The following TMEM132E variants were observed in gnomAD, a reference collection of about 807,000 sequenced individuals.
TMEM132E encodes transmembrane protein 132E.
In TMEM132E, 49 loss-of-function variants were observed where a neutral mutation model predicts 78.5. That is an observed-to-expected ratio of 0.62 (90% CI 0.50 to 0.79). The LOEUF (loss-of-function observed/expected upper bound fraction) is 0.79, where lower values mean the gene tolerates loss of function less well. Among genes scored for constraint, TMEM132E ranks in the 30% least tolerant of loss-of-function variants. TMEM132E has a pLI of 0.00. For synonymous variants in TMEM132E, 715 were observed against 670.6 expected, an observed-to-expected ratio of 1.07 and a Z score of -1.02; for missense variants, 1,403 against 1,470.9, an observed-to-expected ratio of 0.95 and a Z score of 0.75.
intron 1 of TMEM132E, among the ~76,000 whole-genome samples, chr17:34,619,274 GTCA>G (rs1906879281): frequency 6.6e-6 from 1 of 151,800 alleles, no homozygotes; most frequent in Non-Finnish European, 1.5e-5. Context: ...CGGGGTACTT[GTCA>G]TCATTAACTA....
chr17:34,626,071 G>T, intron 1 of TMEM132E, 56 bp from the exon 2 acceptor site: 4 of 1,412,634 alleles, frequency 2.8e-6, no homozygotes, highest in East Asian at 5.1e-5. Flanking sequence ...GCACCCTGGG[G>T]TCCCAGCGTG....
At chr17:34,586,302 T>TG (rs397977227) in intron 1 of TMEM132E, among the ~76,000 whole-genome samples, 21 of 151,342 alleles carry the variant, frequency 1.4e-4, no homozygotes, top group African/African-American at 4.4e-4. Flanking sequence ...TGTGTGTGTG[T>TG]TTTTAGGAAC....
chr17:34,614,915 C>CAGAGGGGAAGGGAGAGAG (rs1906726918), intron 1 of TMEM132E: 2 of 152,272 alleles, frequency 1.3e-5, no homozygotes, highest in Admixed American at 1.3e-4. Flanking sequence ...CCCATGGGAG[C>CAGAGGGGAAGGGAGAGAG]AGAGTCTAGA....
In TMEM132E at chr17:34,628,668, C is replaced by T. The variant is rs771980931; in HGVS notation, c.1104C>T (p.Thr368=). The change falls in exon 3 of 9, where the codon ACC becomes ACT. Residue 368 remains threonine (T), a synonymous_variant. Coordinates refer to ENST00000631683, the MANE Select transcript of TMEM132E (RefSeq NM_001304438.2). ...CTGGGGCAAAGCACTCAACAGCCACCGTGGATGTGGCCTGGGCTCAGAGCA... is the reference window on the plus strand; with the variant it reads ...CTGGGGCAAAGCACTCAACAGCCACTGTGGATGTGGCCTGGGCTCAGAGCA... ...LLTGAKHSTA[T]VDVAWAQSTP... is the part of the protein sequence containing the mutation. 2.0e-5 allele frequency: 32 copies of T among 1,612,658 alleles called. 1 individual carries two copies. The South Asian group carries it at 2.5e-4, about 13-fold the overall frequency.
chr17:34,616,548 G>A (rs1597685951), intron 1 of TMEM132E, among the ~76,000 whole-genome samples: 2 of 152,332 alleles, frequency 1.3e-5, no homozygotes, highest in East Asian at 1.9e-4. Flanking sequence ...TCACCCAGAG[G>A]CACTCAGTGT....
rs1907241699 is a variant in TMEM132E at position 34,628,701 on chromosome 17, G to A, written c.1137G>A (p.Leu379=). The A allele has an allele frequency of 1.9e-6, 3 of 1,598,042 alleles. No individual in the cohort carries two copies. Among genetic ancestry groups the A allele is most frequent in the South Asian group, 1.1e-5 (1 of 89,464 alleles). ...VDVAWAQSTP[L]PPREGQGPLE... ...TGGCCTGGGCTCAGAGCACACCCCT[G>A]CCCCCCAGGTGAGCCCGAGGTGGTG... Residue 379 remains leucine (L), a synonymous_variant, in exon 3 of 9, where the codon CTG becomes CTA. Coordinates refer to ENST00000631683, the MANE Select transcript of TMEM132E (RefSeq NM_001304438.2).
chr17:34,606,434 A>G (rs1266822462), intron 1 of TMEM132E, among the ~76,000 whole-genome samples: 1 of 152,246 alleles, frequency 6.6e-6, no homozygotes, highest in East Asian at 1.9e-4. Flanking sequence ...TCAGAACTGG[A>G]AAGGGCCTGA....
intron 1 of TMEM132E, among the ~76,000 whole-genome samples, chr17:34,615,407 GC>G (rs1363452186): frequency 6.6e-6 from 1 of 152,170 alleles, no homozygotes; most frequent in African/African-American, 2.4e-5. Flanking sequence ...ACACTGAGCA[GC>G]AGGCTTGGTC....
chr17:34,582,219 C>A (rs1370317129), intron 1 of TMEM132E, among the ~76,000 whole-genome samples: 1 of 151,788 alleles, frequency 6.6e-6, no homozygotes, highest in African/African-American at 2.4e-5. Flanking sequence ...ATGGAGGGCG[C>A]TTAGATGGAG....
At position 34,638,246 on chromosome 17, in the gene TMEM132E, A is replaced by G. The variant is rs1380196373; in HGVS notation, c.*14A>G. ...GAGATTGCATAGAGGCGCCAGCCGG[A>G]GTAGCAGGGACCCCCCCCCCCAACG... is the stretch of plus-strand genomic sequence containing the variant. On this transcript the variant is annotated 3_prime_UTR_variant, in exon 9 of 9. Transcript: ENST00000631683. 1 of 1,500,242 alleles carries G rather than the reference A, an allele frequency of 6.7e-7. No individual in the cohort carries two copies. The highest frequency in any genetic ancestry group is 1.5e-5 in the African/African-American group (1 of 67,804). The allele number at this position is 1,500,242 out of a possible 1,614,324, so 92.9% of individuals were successfully genotyped here.
At chr17:34,617,672 C>T (rs1906826486) in intron 1 of TMEM132E, among the ~76,000 whole-genome samples, 1 of 152,132 alleles carries the variant, frequency 6.6e-6, no homozygotes, top group Non-Finnish European at 1.5e-5. Flanking sequence ...AAGTAACTTG[C>T]CCAAGGACAC....
rs2142091479 is a variant in TMEM132E at position 34,639,268 on chromosome 17, G to A, written c.*1036G>A. 6.5e-6 allele frequency: 1 copy of A among 152,728 alleles called. No homozygotes were observed. Among genetic ancestry groups the A allele is most frequent in the East Asian group, 1.9e-4 (1 of 5,176 alleles). 9.5% of individuals were successfully genotyped at this position (152,728 alleles called of 1,614,324 possible). ...TGTGTCGGATTTTTCTTAAATAAAT[G>A]GAAGCGGTCAGACTGGAGGTGGGGG... On this transcript the variant is annotated 3_prime_UTR_variant, in exon 9 of 9. Transcript: ENST00000631683.
chr17:34,638,319 T>C lies in TMEM132E; in HGVS notation c.*87T>C. On this transcript the variant is annotated 3_prime_UTR_variant, in exon 9 of 9. Transcript: ENST00000631683. ...AGCCGGGACCCCGGTTCACACTGAC[T>C]CTGGGCGGCTGAATTGATTTTGTAC... 3 of 1,339,296 alleles carry C rather than the reference T, an allele frequency of 2.2e-6. No individual in the cohort carries two copies. The highest frequency in any genetic ancestry group is 3.0e-6 in the Non-Finnish European group (3 of 1,003,046). 83.0% of individuals were successfully genotyped at this position (1,339,296 alleles called of 1,614,324 possible). A position where few individuals can be genotyped will look rare whatever the true frequency, so the allele number is the denominator to read the frequency against.
intron 1 of TMEM132E, among the ~76,000 whole-genome samples, chr17:34,598,489 A>T (rs1906128426): frequency 6.6e-6 from 1 of 152,008 alleles, no homozygotes; most frequent in South Asian, 2.1e-4. Flanking sequence ...GACTGGAATA[A>T]GTCCAGCCCC....
At chr17:34,614,966 C>T (rs1210833265) in intron 1 of TMEM132E, among the ~76,000 whole-genome samples, 1 of 152,186 alleles carries the variant, frequency 6.6e-6, no homozygotes, top group African/African-American at 2.4e-5. Context: ...CTCCCAGGAC[C>T]AGGGAACCTT....
At chr17:34,623,969 T>C (rs1907044989) in intron 1 of TMEM132E, among the ~76,000 whole-genome samples, 1 of 152,140 alleles carries the variant, frequency 6.6e-6, no homozygotes, top group East Asian at 1.9e-4. Flanking sequence ...GCTCCCAGCA[T>C]TTCTTGCCGG....
chr17:34,617,218 C>G (rs915526586), intron 1 of TMEM132E, among the ~76,000 whole-genome samples: 6 of 152,302 alleles, frequency 3.9e-5, no homozygotes, highest in Admixed American at 1.3e-4. Flanking sequence ...GAAGCTGAGG[C>G]CCAGAGAAAG....
chr17:34,586,284 T>C (rs1350197033), intron 1 of TMEM132E, among the ~76,000 whole-genome samples: 6 of 151,370 alleles, frequency 4.0e-5, no homozygotes, highest in Admixed American at 2.0e-4. Context: ...GAACCAGTTG[T>C]GTGTGTGTGT....
rs1359680745 is a variant in TMEM132E at position 34,637,841 on chromosome 17, G to T, written c.2834G>T (p.Arg945Leu). ...TTCCTGGGCAACGGGCAGCCGCTGC[G>T]GGTGCAAGGAGAGCTGTCGCCGCCA... is the stretch of plus-strand genomic sequence containing the variant. ...WVFLGNGQPLRVQGELSPPAG... is the reference protein window; with the variant it reads ...WVFLGNGQPLLVQGELSPPAG... The change falls in exon 9 of 9, where the codon CGG (arginine) becomes CTG (leucine). Residue 945 changes from arginine to leucine, a missense_variant. Transcript: ENST00000631683. 2 of 1,610,358 alleles carry T rather than the reference G, an allele frequency of 1.2e-6. No homozygotes were observed. Among genetic ancestry groups the T allele is most frequent in the Admixed American group, 3.3e-5 (2 of 59,940 alleles).
Sources: allele counts gnomAD v4.1 joint callset (sites outside exome capture counted in the v4.1 genomes callset), GRCh38; gene constraint gnomAD v4.1.1; transcripts MANE v1.5; gene names NCBI Gene and HGNC (gene_info 2026-07-23, HGNC 2026-07-21).